Variants in PCNX2 observed in about 807,000 individuals in gnomAD.
PCNX2 encodes the protein pecanex 2.
Under a neutral mutation model 223.8 loss-of-function variants are expected in PCNX2, and 168 were observed. The observed-to-expected ratio is 0.75, with a 90% CI of 0.66 to 0.85. The LOEUF (loss-of-function observed/expected upper bound fraction) is 0.85, where lower values mean the gene tolerates loss of function less well. Among genes scored for constraint, PCNX2 ranks in the 40% least tolerant of loss-of-function variants. The pLI is 0.00. For synonymous variants in PCNX2, 1,006 were observed against 1,052.6 expected, an observed-to-expected ratio of 0.96 and a Z score of 0.86; for missense variants, 2,507 against 2,675.5, an observed-to-expected ratio of 0.94 and a Z score of 1.39.
intron 1 of PCNX2, among the ~76,000 whole-genome samples, chr1:233,277,269 C>A (rs1408413702): frequency 6.6e-6 from 1 of 152,192 alleles, no homozygotes; most frequent in African/African-American, 2.4e-5. Flanking sequence ...GCGTGGCCTG[C>A]TAGCCAGTCT....
chr1:233,001,715 T>C lies in PCNX2; in HGVS notation c.4953-34A>G. On this transcript the variant is annotated intron_variant, in intron 28 of 33. Coordinates refer to ENST00000258229, the MANE Select transcript of PCNX2 (RefSeq NM_014801.4). This position sits in a 1 kb window ranked among gnomAD's most constrained non-coding sequence, Gnocchi z 4.2. ...CAAAGTCCTATTACTATGGAACAAA[T>C]TTCAGAATCCTGTCATTGTGAGCAA... 6.7e-7 allele frequency: 1 copy of C among 1,496,502 alleles called. No individual in the cohort carries two copies. The highest frequency in any genetic ancestry group is 9.0e-7 in the Non-Finnish European group (1 of 1,113,294). 92.7% of individuals were successfully genotyped at this position (1,496,502 alleles called of 1,614,324 possible).
chr1:233,070,203 C>T (rs1672792768), intron 23 of PCNX2, among the ~76,000 whole-genome samples: 1 of 152,028 alleles, frequency 6.6e-6, no homozygotes, highest in South Asian at 2.1e-4. Context: ...ACTATTAACG[C>T]CATTTAATTA....
intron 15 of PCNX2, among the ~76,000 whole-genome samples, chr1:233,186,688 T>C: frequency 6.6e-6 from 1 of 152,256 alleles, no homozygotes; most frequent in East Asian, 1.9e-4. Flanking sequence ...CAGACTTCAC[T>C]ATCTGCTAAG....
chr1:233,234,630 T>C (rs1199942971), intron 9 of PCNX2, among the ~76,000 whole-genome samples: 1 of 152,210 alleles, frequency 6.6e-6, no homozygotes, highest in Non-Finnish European at 1.5e-5. Context: ...AGATATTAAA[T>C]CAATGGATGT....
chr1:233,055,395 C>T (rs1010348841), intron 24 of PCNX2, among the ~76,000 whole-genome samples: 2 of 152,082 alleles, frequency 1.3e-5, no homozygotes, highest in African/African-American at 4.8e-5. Context: ...GATGGAATAC[C>T]TTGCTTCCCG....
At chr1:232,984,999 T>A (rs1352525845) in intron 33 of PCNX2, 1 of 152,514 alleles carries the variant, frequency 6.6e-6, no homozygotes, top group African/African-American at 2.4e-5. Context: ...GGTGATACTT[T>A]GTACATTTTT....
chr1:233,263,388 A>G (rs1400898224), intron 1 of PCNX2, among the ~76,000 whole-genome samples: 3 of 151,802 alleles, frequency 2.0e-5, no homozygotes, highest in Non-Finnish European at 4.4e-5. Context: ...TGCACTGATA[A>G]CCAACATTTG....
chr1:233,063,458 C>A (rs1467545483), intron 23 of PCNX2, among the ~76,000 whole-genome samples: 1 of 152,058 alleles, frequency 6.6e-6, no homozygotes, highest in African/African-American at 2.4e-5. Flanking sequence ...AATAGGAGTA[C>A]AACTACATAT....
chr1:233,236,134 A>G (rs539449288), intron 9 of PCNX2, among the ~76,000 whole-genome samples: 73 of 152,012 alleles, frequency 4.8e-4, no homozygotes, highest in African/African-American at 1.7e-3. Context: ...ATGGAAACCA[A>G]TCTTTCTTCA....
At chr1:233,144,644 C>A (rs372473617) in intron 19 of PCNX2, among the ~76,000 whole-genome samples, 59 of 152,208 alleles carry the variant, frequency 3.9e-4, no homozygotes, top group African/African-American at 1.3e-3. Flanking sequence ...AGACGAGTAT[C>A]TTTTTACATG....
chr1:233,196,091 G>A (rs141529447), intron 15 of PCNX2, among the ~76,000 whole-genome samples: 180 of 152,212 alleles, frequency 1.2e-3, no homozygotes, highest in Non-Finnish European at 2.2e-3. Flanking sequence ...ACAATGAAAT[G>A]ATTAATTTTT....
intron 19 of PCNX2, among the ~76,000 whole-genome samples, chr1:233,147,465 G>A (rs1463638144): frequency 6.6e-6 from 1 of 152,036 alleles, no homozygotes; most frequent in African/African-American, 2.4e-5. Context: ...AGGCTGAGGA[G>A]GAGAAGGAGG....
At chr1:233,173,580 A>C (rs954593238) in intron 17 of PCNX2, among the ~76,000 whole-genome samples, 3 of 152,190 alleles carry the variant, frequency 2.0e-5, no homozygotes, top group Non-Finnish European at 4.4e-5. Flanking sequence ...ATCATTTATC[A>C]ATGTTGGGAA....
intron 10 of PCNX2, among the ~76,000 whole-genome samples, chr1:233,226,976 ATC>A (rs2102945371): frequency 6.6e-6 from 1 of 152,290 alleles, no homozygotes; most frequent in South Asian, 2.1e-4. Flanking sequence ...ATTTCTCATT[ATC>A]TCTTATTATT....
upstream of PCNX2, among the ~76,000 whole-genome samples, chr1:233,298,201 C>A (rs1404465837): frequency 3.9e-5 from 6 of 151,920 alleles, no homozygotes; most frequent in Non-Finnish European, 8.8e-5. Flanking sequence ...GGATTAAACA[C>A]ACAAGCAGGA....
intron 21 of PCNX2, among the ~76,000 whole-genome samples, chr1:233,131,901 A>G (rs1676526208): frequency 6.6e-6 from 1 of 151,946 alleles, no homozygotes; most frequent in African/African-American, 2.4e-5. Flanking sequence ...AAGTGAGTCA[A>G]ATGCCTGCAC....
At chr1:233,325,502 C>CAA in the PCNX2 span, among the ~76,000 whole-genome samples, 46,014 of 137,808 alleles carry the variant, frequency 0.33, 7,588 homozygotes, top group South Asian at 0.42. Context: ...ACTAAAAATA[C>CAA]AAAAAAAAAA....
At chr1:233,067,365 C>CAAAAAAAAAAAAAAAAAAAAAAA (rs750823791) in intron 23 of PCNX2, among the ~76,000 whole-genome samples, 1 of 3,890 alleles carries the variant, frequency 2.6e-4, no homozygotes, top group Non-Finnish European at 5.9e-4. Context: ...AGAGCTTCAG[C>CAAAAAAAAAAAAAAAAAAAAAAA]AAAAAAAAAA....
rs1558398303 is a variant in PCNX2 at position 233,258,031 on chromosome 1, G to A, written c.1831C>T (p.Arg611Ter). 12 of 1,609,644 alleles carry A rather than the reference G, an allele frequency of 7.5e-6. No homozygotes were observed. Among genetic ancestry groups the A allele is most frequent in the Non-Finnish European group, 8.5e-6 (10 of 1,176,418 alleles). ...AEQNEESGLL[R>*]DNCSQEKKEE... ...CGGAAATGACATGGAATCGCACCTC[G>A]GAGAAGCCCACTTTCTTCATTCTGC... Residue 611 changes from arginine to a stop codon, truncating the protein, a stop_gained, in exon 5 of 34, where the codon CGA becomes TGA. Coordinates refer to ENST00000258229, the MANE Select transcript of PCNX2 (RefSeq NM_014801.4). LOFTEE classifies it high-confidence loss of function.
Sources: allele counts gnomAD v4.1 joint callset (sites outside exome capture counted in the v4.1 genomes callset), GRCh38; gene constraint gnomAD v4.1.1; non-coding constraint Gnocchi (gnomAD v3.1); transcripts MANE v1.5; gene names NCBI Gene and HGNC (gene_info 2026-07-23, HGNC 2026-07-21).